Variants in SLC36A1 observed in about 807,000 individuals in gnomAD.
SLC36A1 encodes proton-coupled amino acid transporter 1.
Under a neutral mutation model 47.5 loss-of-function variants are expected in SLC36A1, and 30 were observed. The ratio of observed to expected loss-of-function variants is 0.63; its 90% CI spans 0.47 to 0.86. The LOEUF (loss-of-function observed/expected upper bound fraction) is 0.86. SLC36A1 is among the 40% of genes least tolerant of loss of function. The pLI, the probability that SLC36A1 is intolerant of heterozygous loss-of-function variation, is 0.00. For missense variants in SLC36A1, 517 were observed against 606.0 expected, an observed-to-expected ratio of 0.85 and a Z score of 1.54; for synonymous variants, 255 against 249.7, an observed-to-expected ratio of 1.02 and a Z score of -0.20.
chr5:151,361,378 A>C, the SLC36A1 span, among the ~76,000 whole-genome samples: 1 of 152,256 alleles, frequency 6.6e-6, no homozygotes, highest in Non-Finnish European at 1.5e-5. Flanking sequence ...AACTCGAAAC[A>C]TCTTATATTG....
downstream of SLC36A1, among the ~76,000 whole-genome samples, chr5:151,492,926 G>C (rs569946007): frequency 9.2e-5 from 14 of 152,226 alleles, no homozygotes; most frequent in East Asian, 2.5e-3. Context: ...CCTATGACTC[G>C]CAGACTTGCC....
At chr5:151,392,562 C>A in the SLC36A1 span, among the ~76,000 whole-genome samples, 1 of 152,220 alleles carries the variant, frequency 6.6e-6, no homozygotes, top group East Asian at 1.9e-4. Flanking sequence ...TCCCTCTACA[C>A]TCTGCCTTAA....
the SLC36A1 span, chr5:151,505,760 C>T: frequency 5.0e-6 from 8 of 1,613,730 alleles, no homozygotes; most frequent in Non-Finnish European, 6.8e-6. Flanking sequence ...AGGGCCCTCC[C>T]CCTCCCTGCC....
At chr5:151,496,702 C>T (rs1210713729), downstream of SLC36A1, among the ~76,000 whole-genome samples, 1 of 152,192 alleles carries the variant, frequency 6.6e-6, no homozygotes, top group Non-Finnish European at 1.5e-5. Flanking sequence ...ACTACAGGTG[C>T]ATGCCACCAC....
chr5:151,470,791 A>G (rs357628), intron 7 of SLC36A1: 58,851 of 152,018 alleles, frequency 0.39, 11,516 homozygotes, highest in East Asian at 0.5. Flanking sequence ...AAGCATGTAC[A>G]TGACTGTTCC....
chr5:151,467,327 C>A (rs755181538), intron 6 of SLC36A1, 44 bp downstream of exon 6: 8 of 1,122,042 alleles, frequency 7.1e-6, no homozygotes, highest in Middle Eastern at 2.2e-4. Flanking sequence ...AAAACCAGAG[C>A]GAGAATGGCA....
chr5:151,464,605 G>C lies in SLC36A1; in HGVS notation c.323+3G>C. 1.2e-6 allele frequency: 2 copies of C among 1,613,854 alleles called. No homozygotes were observed. Among genetic ancestry groups the C allele is most frequent in the Non-Finnish European group, 1.7e-6 (2 of 1,179,824 alleles). On this transcript the variant is annotated splice_donor_region_variant and intron_variant, in intron 4 of 10. Transcript: ENST00000243389. ...TGTGCTCACCACTTCTGCCGCAGGT[G>C]AGAGCCCTCTGAGCCACCTCTCAAG... is the stretch of plus-strand genomic sequence containing the variant.
At chr5:151,386,523 C>T in the SLC36A1 span, among the ~76,000 whole-genome samples, 1 of 152,062 alleles carries the variant, frequency 6.6e-6, no homozygotes, top group African/African-American at 2.4e-5. Context: ...TTGCTTTTAA[C>T]ACTCATCAAT....
chr5:151,483,521 G>C (rs1227913798), intron 10 of SLC36A1, among the ~76,000 whole-genome samples: 15 of 109,460 alleles, frequency 1.4e-4, no homozygotes, highest in African/African-American at 2.9e-4. Flanking sequence ...TGTGTGTGGG[G>C]GGGGTGATTA....
At chr5:151,425,020 C>A in the SLC36A1 span, among the ~76,000 whole-genome samples, 3 of 152,016 alleles carry the variant, frequency 2.0e-5, no homozygotes, top group Non-Finnish European at 2.9e-5. Flanking sequence ...AAATAAACAA[C>A]AAAAAAAGGG....
chr5:151,543,056 A>G, the SLC36A1 span: 1 of 1,614,140 alleles, frequency 6.2e-7, no homozygotes, highest in Non-Finnish European at 8.5e-7. Flanking sequence ...GGTTCAGAAA[A>G]TTTCGGTAAG....
intron 1 of SLC36A1, 74 bp from the exon 2 acceptor site, chr5:151,458,714 C>T (rs575225340): frequency 1.6e-5 from 25 of 1,526,054 alleles, no homozygotes; most frequent in African/African-American, 2.7e-5. Context: ...CAGCTTCTAC[C>T]CCAGAGGCCA....
the SLC36A1 span, among the ~76,000 whole-genome samples, chr5:151,406,280 T>C: frequency 6.6e-6 from 1 of 152,174 alleles, no homozygotes; most frequent in African/African-American, 2.4e-5. Flanking sequence ...CTTCGAAGTA[T>C]GTCTGTGGAT....
chr5:151,544,650 T>C, the SLC36A1 span: 2 of 1,614,020 alleles, frequency 1.2e-6, no homozygotes, highest in Non-Finnish European at 1.7e-6. Flanking sequence ...CAGTGACAAG[T>C]ACCTCTTCCT....
chr5:151,474,178 A>AAAAAAAAAAAGAG lies in SLC36A1; in HGVS notation c.822+408_822+409insAAAAAAAAAGAGA, dbSNP rs776318482. On this transcript the variant is annotated intron_variant, in intron 8 of 10. Transcript: ENST00000243389. ...CTGTCTCAAAAAAAAAAAAAAAAAA[A>AAAAAAAAAAAGAG]AGAAATTATCTTCTGTAACTCACTG... is the stretch of plus-strand genomic sequence containing the variant. Among the ~76,000 whole-genome samples, 288 of 118,976 alleles carry AAAAAAAAAAAGAG rather than the reference A, an allele frequency of 2.4e-3. 12 individuals carry two copies. The highest frequency in any genetic ancestry group is 6.7e-3 in the South Asian group (24 of 3,588). The allele number at this position is 118,976 out of a possible 152,430, so 78.1% of individuals were successfully genotyped here.
chr5:151,417,485 C>T, the SLC36A1 span, among the ~76,000 whole-genome samples: 1 of 152,170 alleles, frequency 6.6e-6, no homozygotes, highest in Non-Finnish European at 1.5e-5. Context: ...CTAGGTTACT[C>T]TTGCTATGTT....
chr5:151,413,234 T>TC, the SLC36A1 span, among the ~76,000 whole-genome samples: 1,121 of 152,072 alleles, frequency 7.4e-3, 8 homozygotes, highest in Non-Finnish European at 0.012. Flanking sequence ...GGCATCTTTT[T>TC]TTTTTTTCCA....
the SLC36A1 span, among the ~76,000 whole-genome samples, chr5:151,547,723 T>C: frequency 6.6e-5 from 10 of 152,176 alleles, no homozygotes; most frequent in Non-Finnish European, 4.4e-5. Context: ...CTACATGTGA[T>C]TCCGATTATA....
the SLC36A1 span, among the ~76,000 whole-genome samples, chr5:151,536,371 G>A: frequency 6.6e-6 from 1 of 152,246 alleles, no homozygotes; most frequent in East Asian, 1.9e-4. Flanking sequence ...TACCCAGACA[G>A]CTTCCTGCGA....
Sources: allele counts gnomAD v4.1 joint callset (sites outside exome capture counted in the v4.1 genomes callset), GRCh38; gene constraint gnomAD v4.1.1; transcripts MANE v1.5; gene names NCBI Gene and HGNC (gene_info 2026-07-23, HGNC 2026-07-21).